LIX1: variants seen among roughly 807,000 people sequenced by gnomAD.
LIX1 encodes the protein limb and CNS expressed 1.
Under a neutral mutation model 33.4 loss-of-function variants are expected in LIX1, and 24 were observed. The observed-to-expected ratio is 0.72, with a 90% confidence interval of 0.52 to 1.01. The LOEUF (loss-of-function observed/expected upper bound fraction) is 1.01, where lower values mean the gene tolerates loss of function less well. Ranked by LOEUF, LIX1 falls within the 50% of genes least tolerant of loss-of-function variation. LIX1 has a pLI of 0.00. For synonymous variants in LIX1, 124 were observed against 124.0 expected (o/e 1.00, Z 0.00); for missense variants, 311 against 339.2 (o/e 0.92, Z 0.65).
intron 2 of LIX1, among the ~76,000 whole-genome samples, chr5:97,120,638 G>A (rs1490440124): frequency 6.6e-6 from 1 of 152,170 alleles, no homozygotes; most frequent in African/African-American, 2.4e-5. Context: ...GTGAGTATGG[G>A]AATGGTTAGA....
chr5:97,126,315 CA>C (rs548624053), intron 1 of LIX1, among the ~76,000 whole-genome samples: 5 of 152,114 alleles, frequency 3.3e-5, no homozygotes, highest in Non-Finnish European at 7.4e-5. Flanking sequence ...GATCTGGAGG[CA>C]AAATCATTGT....
intron 4 of LIX1, among the ~76,000 whole-genome samples, chr5:97,102,344 C>T (rs557041039): frequency 2.6e-4 from 40 of 152,176 alleles, no homozygotes; most frequent in African/African-American, 9.2e-4. Context: ...GGGCAATTCC[C>T]ATTATGTGTA....
intron 3 of LIX1, among the ~76,000 whole-genome samples, chr5:97,107,041 C>T (rs1448790819): frequency 6.6e-6 from 1 of 152,020 alleles, no homozygotes; most frequent in Admixed American, 6.6e-5. Flanking sequence ...CCACTGTATG[C>T]GTTCTCAGGC....
intron 3 of LIX1, among the ~76,000 whole-genome samples, chr5:97,105,877 G>T (rs1025665868): frequency 2.0e-5 from 3 of 152,150 alleles, no homozygotes; most frequent in Non-Finnish European, 4.4e-5. Flanking sequence ...GGGGAATGGC[G>T]CTAAGAAGCT....
At chr5:97,139,904 T>G (rs758702589) in intron 1 of LIX1, among the ~76,000 whole-genome samples, 22 of 152,390 alleles carry the variant, frequency 1.4e-4, no homozygotes, top group Non-Finnish European at 2.8e-4. Context: ...ACAGGTTTAA[T>G]GTATTGCAAA....
intron 2 of LIX1, among the ~76,000 whole-genome samples, chr5:97,112,861 G>A (rs1054685544): frequency 6.6e-6 from 1 of 151,578 alleles, no homozygotes; most frequent in African/African-American, 2.4e-5. Context: ...CAAAGGCAGT[G>A]GTAGCCAGTT....
chr5:97,142,468 A>G (rs369503646), intron 1 of LIX1, 27 bp downstream of exon 1: 114 of 1,575,018 alleles, frequency 7.2e-5, no homozygotes, highest in Admixed American at 1.5e-4. Context: ...TAAAAAGTCA[A>G]AAAACTTTTC....
At position 97,096,866 on chromosome 5, in the gene LIX1, G is replaced by GTT; in HGVS notation, c.503_504dup (p.Leu169AsnfsTer9). On this transcript the variant is annotated frameshift_variant, in exon 5 of 6. Transcript: ENST00000274382. LOFTEE classifies it high-confidence loss of function. ...TTTAGGCTTCCATTCCAGTGCAATA[G>GTT]TTGGAAAATGGTCATCAGCTCCTAC... 1 of 1,613,954 alleles carries GTT rather than the reference G, an allele frequency of 6.2e-7. No individual in the cohort carries two copies. Among genetic ancestry groups the GTT allele is most frequent in the Non-Finnish European group, 8.5e-7 (1 of 1,179,810 alleles).
chr5:97,124,472 G>A lies in LIX1; in HGVS notation c.240C>T (p.Asn80=), dbSNP rs779548621. The A allele has an allele frequency of 1.3e-6, 2 of 1,597,288 alleles. No homozygotes were observed. Among genetic ancestry groups the A allele is most frequent in the South Asian group, 2.3e-5 (2 of 88,048 alleles). Residue 80 remains asparagine (N), a synonymous_variant, in exon 2 of 6, where the codon AAC becomes AAT. Coordinates refer to ENST00000274382, the MANE Select transcript of LIX1 (RefSeq NM_153234.5). The part of the protein sequence containing the change: ...VTLPGGSCFG[N]FQCCLSRAEA... ...ATTAATGGCTACTTCTTACCTGAAA[G>A]TTGCCAAAACAGCTTCCCCCTGGGA... is the stretch of plus-strand genomic sequence containing the variant.
At chr5:97,114,939 A>G (rs890227945) in intron 2 of LIX1, among the ~76,000 whole-genome samples, 1 of 152,232 alleles carries the variant, frequency 6.6e-6, no homozygotes, top group Non-Finnish European at 1.5e-5. Flanking sequence ...ATTTCTCATT[A>G]GAGAAACTGC....
At position 97,094,667 on chromosome 5, in the gene LIX1, G is replaced by T; in HGVS notation, c.*81C>A. The T allele has an allele frequency of 7.5e-7, 1 of 1,325,826 alleles. No individual in the cohort carries two copies. The highest frequency in any genetic ancestry group is 1.1e-6 in the Non-Finnish European group (1 of 948,662). 82.1% of individuals were successfully genotyped at this position (1,325,826 alleles called of 1,614,324 possible). A position where few individuals can be genotyped will look rare whatever the true frequency, so the allele number is the denominator to read the frequency against. On this transcript the variant is annotated 3_prime_UTR_variant, in exon 6 of 6. Coordinates refer to ENST00000274382, the MANE Select transcript of LIX1 (RefSeq NM_153234.5). ...TTCAGGTAGTACTAGAGATGCTGGAGCCTCTGAGGACCTCTGCACTGAGAT... is the reference window on the plus strand; with the variant it reads ...TTCAGGTAGTACTAGAGATGCTGGATCCTCTGAGGACCTCTGCACTGAGAT...
chr5:97,092,969 T>C lies in LIX1; in HGVS notation c.*1779A>G, dbSNP rs1010794509. ...TCAGGAATATAAGGGAATAAAGTTC[T>C]TTCGTGGGTGACATTTAGCCTCATT... On this transcript the variant is annotated 3_prime_UTR_variant, in exon 6 of 6. Transcript: ENST00000274382. 6.6e-6 allele frequency: 1 copy of C among 152,382 alleles called. No individual in the cohort carries two copies. Among genetic ancestry groups the C allele is most frequent in the African/African-American group, 2.4e-5 (1 of 41,476 alleles). 9.4% of individuals were successfully genotyped at this position (152,382 alleles called of 1,614,324 possible).
chr5:97,101,141 A>G (rs1159856426), intron 4 of LIX1, among the ~76,000 whole-genome samples: 1 of 152,146 alleles, frequency 6.6e-6, no homozygotes, highest in Non-Finnish European at 1.5e-5. Flanking sequence ...GGGGCCAATT[A>G]TACATGTTCA....
chr5:97,096,812 G>T lies in LIX1; in HGVS notation c.559C>A (p.Gln187Lys). The T allele has an allele frequency of 6.2e-7, 1 of 1,610,764 alleles. No homozygotes were observed. The highest frequency in any genetic ancestry group is 8.5e-7 in the Non-Finnish European group (1 of 1,176,940). ...TAGACTTGATTAGAAAATCTTACCTGTCGGGAACACTTTGTTTCACGAAGG... is the reference window on the plus strand; with the variant it reads ...TAGACTTGATTAGAAAATCTTACCTTTCGGGAACACTTTGTTTCACGAAGG... ...KALRETKCSR[Q>K]EVISYYSQYS... The change falls in exon 5 of 6, where the codon CAG becomes AAG. Residue 187 changes from glutamine to lysine, a missense_variant and splice_region_variant. Coordinates refer to ENST00000274382, the MANE Select transcript of LIX1 (RefSeq NM_153234.5).
At chr5:97,132,967 C>T (rs1482969014) in intron 1 of LIX1, among the ~76,000 whole-genome samples, 1 of 152,204 alleles carries the variant, frequency 6.6e-6, no homozygotes, top group Non-Finnish European at 1.5e-5. Context: ...GGGCATCATA[C>T]TCAACATTCA....
chr5:97,118,315 C>T (rs180818672), intron 2 of LIX1, among the ~76,000 whole-genome samples: 1 of 152,318 alleles, frequency 6.6e-6, no homozygotes, highest in Non-Finnish European at 1.5e-5. Context: ...GACCACGTCA[C>T]TGACTTGAAA....
Position 97,141,195 on chromosome 5 carries a change from C to G in LIX1, c.82+1300G>C, listed in dbSNP as rs866071743. On this transcript the variant is annotated intron_variant, in intron 1 of 5. Transcript: ENST00000274382. ...GAACCCTGGTCCTATACAATTTATC[C>G]AAAGCTTGGGCAGCCCGAGAGCCCT... 4.5e-4 allele frequency among the ~76,000 whole-genome samples: 69 copies of G among 152,116 alleles called. 1 individual carries two copies. The highest frequency in any genetic ancestry group is 3.4e-3 in the Middle Eastern group (1 of 294).
chr5:97,098,975 T>A (rs1282453219), intron 4 of LIX1, among the ~76,000 whole-genome samples: 1 of 152,340 alleles, frequency 6.6e-6, no homozygotes, highest in South Asian at 2.1e-4. Flanking sequence ...CACTGCACAG[T>A]AAGTACTCTG....
chr5:97,113,998 C>T (rs1330327126), intron 2 of LIX1, among the ~76,000 whole-genome samples: 1 of 152,130 alleles, frequency 6.6e-6, no homozygotes, highest in Non-Finnish European at 1.5e-5. Flanking sequence ...TGGATGCTTT[C>T]CTGGACTATA....
Sources: gnomAD v4.1 joint callset for allele counts (sites outside exome capture counted in the v4.1 genomes callset) on GRCh38, gnomAD v4.1.1 for gene constraint, MANE v1.5 for transcripts, NCBI Gene and HGNC (gene_info 2026-07-23, HGNC 2026-07-21) for gene names.